Variants in MTUS1 observed in about 807,000 individuals in gnomAD.
MTUS1 encodes the protein microtubule-associated tumor suppressor 1.
In MTUS1, 109 loss-of-function variants were observed where a neutral mutation model predicts 120.8. The ratio of observed to expected loss-of-function variants is 0.90; its 90% CI spans 0.77 to 1.06. MTUS1 has a LOEUF of 1.06. Ranked by LOEUF, MTUS1 falls within the 50% of genes least tolerant of loss-of-function variation. MTUS1 has a pLI of 0.00. For synonymous variants in MTUS1, 737 were observed against 550.5 expected (o/e 1.34, Z -4.74); for missense variants, 2,210 against 1,486.3 (o/e 1.49, Z -8.01).
chr8:17,765,731 A>G (rs1197215377), intron 1 of MTUS1, among the ~76,000 whole-genome samples: 2 of 136,190 alleles, frequency 1.5e-5, no homozygotes, highest in Admixed American at 1.5e-4. Context: ...TGCACACACA[A>G]TTTTTTTGGT....
At chr8:17,769,411 G>A (rs1442079112) in intron 1 of MTUS1, among the ~76,000 whole-genome samples, 3 of 147,446 alleles carry the variant, frequency 2.0e-5, no homozygotes, top group East Asian at 2.0e-4. Flanking sequence ...GCAGTGGCGC[G>A]ATCTCGGCTC....
intron 5 of MTUS1, among the ~76,000 whole-genome samples, chr8:17,713,728 G>C (rs957032298): frequency 1.2e-4 from 18 of 152,154 alleles, no homozygotes; most frequent in African/African-American, 4.3e-4. Flanking sequence ...AAAATCAGGA[G>C]GGGTAATAGG....
chr8:17,678,049 G>C (rs553300334), intron 7 of MTUS1, among the ~76,000 whole-genome samples: 22 of 152,124 alleles, frequency 1.4e-4, no homozygotes, highest in Non-Finnish European at 2.2e-4. Flanking sequence ...ATGGGAAGCA[G>C]TAATGAAAAA....
chr8:17,687,857 A>G (rs73666307), intron 6 of MTUS1, among the ~76,000 whole-genome samples: 5,838 of 152,308 alleles, frequency 0.038, 391 homozygotes, highest in African/African-American at 0.13. Flanking sequence ...GAAGTCATGT[A>G]TCATCTTCTT....
intron 1 of MTUS1, among the ~76,000 whole-genome samples, chr8:17,779,212 A>G (rs940372119): frequency 6.6e-6 from 1 of 152,216 alleles, no homozygotes. Context: ...CTGTTTCAAC[A>G]TGTGACGGGT....
At chr8:17,718,253 C>G (rs1178117569) in intron 4 of MTUS1, among the ~76,000 whole-genome samples, 1 of 152,158 alleles carries the variant, frequency 6.6e-6, no homozygotes, top group East Asian at 1.9e-4. Context: ...CTGATGCTAT[C>G]TAAATTTTCC....
At chr8:17,748,970 A>G (rs902314339) in intron 2 of MTUS1, among the ~76,000 whole-genome samples, 2 of 152,210 alleles carry the variant, frequency 1.3e-5, no homozygotes, top group African/African-American at 4.8e-5. Context: ...TACAATTTGC[A>G]ATTCTCCCTT....
intron 7 of MTUS1, 44 bp from the exon 8 acceptor site, chr8:17,675,296 C>G: frequency 6.4e-7 from 1 of 1,574,706 alleles, no homozygotes. Context: ...TCAAGAGGGT[C>G]CCTTTCAGTA....
At chr8:17,701,826 A>G (rs60447928) in intron 6 of MTUS1, among the ~76,000 whole-genome samples, 86,944 of 151,644 alleles carry the variant, frequency 0.57, 25,772 homozygotes, top group Middle Eastern at 0.72. Flanking sequence ...TGGGATTACA[A>G]GCGTGAGCCA....
intron 3 of MTUS1, among the ~76,000 whole-genome samples, chr8:17,730,301 G>A (rs2046479220): frequency 6.6e-6 from 1 of 152,122 alleles, no homozygotes; most frequent in Non-Finnish European, 1.5e-5. Flanking sequence ...GGCGAATATG[G>A]TGAAACCCCA....
At chr8:17,693,479 G>A (rs1285627124) in intron 6 of MTUS1, 2 of 152,160 alleles carry the variant, frequency 1.3e-5, no homozygotes, top group African/African-American at 4.8e-5. Context: ...CAATGAGAAA[G>A]CTTATTCTGG....
chr8:17,652,972 C>T (rs529989633), intron 12 of MTUS1, among the ~76,000 whole-genome samples: 1 of 152,000 alleles, frequency 6.6e-6, no homozygotes, highest in African/African-American at 2.4e-5. Flanking sequence ...CCACCAGAAA[C>T]ATCCTGGACT....
At chr8:17,769,236 T>TC (rs1339729885) in intron 1 of MTUS1, among the ~76,000 whole-genome samples, 2 of 105,304 alleles carry the variant, frequency 1.9e-5, no homozygotes, top group African/African-American at 3.3e-5. Context: ...TTATTCCTTT[T>TC]TTTTTTTTTT....
chr8:17,659,468 G>T (rs989498871), intron 8 of MTUS1, among the ~76,000 whole-genome samples: 1 of 152,184 alleles, frequency 6.6e-6, no homozygotes, highest in South Asian at 2.1e-4. Context: ...AGGCCGAAGC[G>T]TGCAGATCAT....
At chr8:17,729,089 A>C (rs1309173046) in intron 3 of MTUS1, among the ~76,000 whole-genome samples, 1 of 152,206 alleles carries the variant, frequency 6.6e-6, no homozygotes, top group African/African-American at 2.4e-5. Context: ...TTTTTTTTCC[A>C]GTTAATTCAG....
At chr8:17,683,722 G>A (rs1001313242) in intron 7 of MTUS1, among the ~76,000 whole-genome samples, 21 of 152,052 alleles carry the variant, frequency 1.4e-4, no homozygotes, top group African/African-American at 4.3e-4. Context: ...TTATTGCTAT[G>A]TCAGTAACAT....
intron 3 of MTUS1, chr8:17,724,192 G>A (rs945491947): frequency 8.9e-6 from 4 of 448,176 alleles, no homozygotes; most frequent in Admixed American, 7.7e-5. Context: ...AAATTGATAC[G>A]ACCCCCCATA....
chr8:17,669,688 T>C (rs1412371907), intron 8 of MTUS1, among the ~76,000 whole-genome samples: 1 of 151,850 alleles, frequency 6.6e-6, no homozygotes, highest in Non-Finnish European at 1.5e-5. Context: ...TCTACTAAAA[T>C]ACAAAAATTA....
At chr8:17,658,670 TGAAG>T (rs759785821) in intron 8 of MTUS1, among the ~76,000 whole-genome samples, 2 of 152,146 alleles carry the variant, frequency 1.3e-5, no homozygotes, top group Non-Finnish European at 2.9e-5. Context: ...TATCAGGAGT[TGAAG>T]GAAGAAGATT....
Sources: allele counts gnomAD v4.1 joint callset (sites outside exome capture counted in the v4.1 genomes callset), GRCh38; gene constraint gnomAD v4.1.1; transcripts MANE v1.5; gene names NCBI Gene and HGNC (gene_info 2026-07-23, HGNC 2026-07-21).